Variants in PAPSS1 observed in about 807,000 individuals in gnomAD.
PAPSS1 encodes the protein bifunctional 3'-phosphoadenosine 5'-phosphosulfate synthase 1.
PAPSS1 carries 50 observed loss-of-function variants against 72.0 expected under a neutral mutation model. The observed-to-expected ratio is 0.69, with a 90% CI of 0.55 to 0.88. The LOEUF is 0.88. Among genes scored for constraint, PAPSS1 ranks in the 40% least tolerant of loss-of-function variants. PAPSS1 has a pLI of 0.00. For synonymous variants in PAPSS1, 261 were observed against 263.6 expected, an observed-to-expected ratio of 0.99 and a Z score of 0.09; for missense variants, 657 against 782.2, an observed-to-expected ratio of 0.84 and a Z score of 1.91.
chr4:107,686,986 T>G (rs1297555783), intron 4 of PAPSS1, 53 bp downstream of exon 4: 2 of 1,502,526 alleles, frequency 1.3e-6, no homozygotes, highest in African/African-American at 1.4e-5. Flanking sequence ...ATCCTAGATA[T>G]GGGAACATAA....
At chr4:107,671,645 T>C (rs1175358390) in intron 5 of PAPSS1, among the ~76,000 whole-genome samples, 1 of 152,150 alleles carries the variant, frequency 6.6e-6, no homozygotes, top group African/African-American at 2.4e-5. Context: ...CCTCAGTATC[T>C]GAGAGGAATT....
chr4:107,687,603 A>C (rs967261514), intron 3 of PAPSS1, among the ~76,000 whole-genome samples: 4 of 152,054 alleles, frequency 2.6e-5, no homozygotes, highest in African/African-American at 9.7e-5. Flanking sequence ...TTCTTTGCCA[A>C]ATGCAAGCCC....
chr4:107,672,010 T>C (rs1727485783), intron 5 of PAPSS1, among the ~76,000 whole-genome samples: 1 of 151,946 alleles, frequency 6.6e-6, no homozygotes, highest in South Asian at 2.1e-4. Context: ...TACAAAAAAC[T>C]CAAACAAAAC....
At chr4:107,628,416 T>G (rs1263214099) in intron 11 of PAPSS1, among the ~76,000 whole-genome samples, 1 of 152,172 alleles carries the variant, frequency 6.6e-6, no homozygotes, top group Non-Finnish European at 1.5e-5. Context: ...CTGTCCCCAC[T>G]ATTACAAAAT....
chr4:107,717,894 C>T (rs1406901178), intron 1 of PAPSS1, among the ~76,000 whole-genome samples: 1 of 152,200 alleles, frequency 6.6e-6, no homozygotes, highest in African/African-American at 2.4e-5. Context: ...GCAGCTACTC[C>T]TCTAGTCCCA....
In PAPSS1 at chr4:107,640,415, T is replaced by C. The variant is rs1374665993; in HGVS notation, c.1506+4387A>G. Among the ~76,000 whole-genome samples, 6 of 152,264 alleles carry C rather than the reference T, an allele frequency of 3.9e-5. No homozygotes were observed. The East Asian group carries it at 1.2e-3, about 29-fold the overall frequency. On this transcript the variant is annotated intron_variant, in intron 10 of 11. Coordinates refer to ENST00000265174, the MANE Select transcript of PAPSS1 (RefSeq NM_005443.5). ...AAAGCATTTGTGCTAAGGAAACAAA[T>C]CTGGTACCAATGCCTTCTAAATGAC...
intron 5 of PAPSS1, among the ~76,000 whole-genome samples, chr4:107,662,135 G>A (rs989376166): frequency 2.0e-5 from 3 of 152,154 alleles, no homozygotes; most frequent in African/African-American, 7.2e-5. Flanking sequence ...AGACAGACAA[G>A]AAATAAACAC....
chr4:107,660,885 T>C (rs1230129203), intron 5 of PAPSS1, among the ~76,000 whole-genome samples: 3 of 152,216 alleles, frequency 2.0e-5, no homozygotes, highest in Non-Finnish European at 2.9e-5. Context: ...ACTTTGTTAT[T>C]CAAAATAAAG....
At chr4:107,701,970 C>G in intron 1 of PAPSS1, among the ~76,000 whole-genome samples, 1 of 86,162 alleles carries the variant, frequency 1.2e-5, no homozygotes, top group Admixed American at 1.5e-4. Context: ...TCTCCCAAAG[C>G]TGCTTCAAAA....
At chr4:107,620,806 T>C (rs1196280937) in intron 11 of PAPSS1, among the ~76,000 whole-genome samples, 3 of 152,220 alleles carry the variant, frequency 2.0e-5, no homozygotes, top group Non-Finnish European at 4.4e-5. Context: ...TTGATAGTTT[T>C]ATAAAATGTA....
At chr4:107,712,534 T>A (rs1723519487) in intron 1 of PAPSS1, among the ~76,000 whole-genome samples, 1 of 152,158 alleles carries the variant, frequency 6.6e-6, no homozygotes, top group African/African-American at 2.4e-5. Context: ...CATTTATTCA[T>A]GATAGCCAAA....
At chr4:107,701,098 T>C (rs1723192673) in intron 2 of PAPSS1, 73 bp downstream of exon 2, 5 of 812,986 alleles carry the variant, frequency 6.2e-6, no homozygotes, top group Admixed American at 4.7e-5. Context: ...AATTTAAATA[T>C]GCTTACGCCT....
intron 11 of PAPSS1, among the ~76,000 whole-genome samples, chr4:107,627,165 C>CA (rs1233685294): frequency 6.6e-6 from 1 of 152,060 alleles, no homozygotes; most frequent in Non-Finnish European, 1.5e-5. Context: ...ACTGATCATG[C>CA]AAAGAGACCA....
intron 5 of PAPSS1, among the ~76,000 whole-genome samples, chr4:107,664,773 T>C (rs1727270610): frequency 6.6e-6 from 1 of 152,188 alleles, no homozygotes. Context: ...TACTGAAATA[T>C]TTTGTGCACT....
At chr4:107,667,080 G>A (rs778916281) in intron 5 of PAPSS1, among the ~76,000 whole-genome samples, 4 of 152,108 alleles carry the variant, frequency 2.6e-5, no homozygotes, top group Non-Finnish European at 5.9e-5. Context: ...CTACTCCCCT[G>A]ACCTCTGGGG....
At chr4:107,631,244 G>A (rs1473394733) in intron 11 of PAPSS1, among the ~76,000 whole-genome samples, 1 of 152,096 alleles carries the variant, frequency 6.6e-6, no homozygotes, top group Non-Finnish European at 1.5e-5. Flanking sequence ...TAAATAATTA[G>A]GACATTGCCT....
intron 2 of PAPSS1, among the ~76,000 whole-genome samples, chr4:107,698,776 C>T (rs1367820181): frequency 6.6e-6 from 1 of 152,166 alleles, no homozygotes; most frequent in African/African-American, 2.4e-5. Flanking sequence ...CCTCCAGGAG[C>T]TCAATCAGGT....
rs1402561120 is a variant in PAPSS1, at chr4:107,701,276, T to C, written c.70A>G (p.Arg24Gly). ...GCTTGGTAGGTGACATTGGTTGCTC[T>C]CTGCATTCCCTAGAAAAAAAAGAAA... ...SNNAQNWGMQ[R>G]ATNVTYQAHH... Residue 24 changes from arginine to glycine, a missense_variant, in exon 2 of 12, where the codon AGA becomes GGA. Arg to Gly is a moderately radical substitution (Grantham distance 125). Coordinates refer to ENST00000265174, the MANE Select transcript of PAPSS1 (RefSeq NM_005443.5). The C allele has an allele frequency of 6.2e-7, 1 of 1,609,216 alleles. No individual in the cohort carries two copies. The highest frequency in any genetic ancestry group is 2.2e-5 in the East Asian group (1 of 44,848).
chr4:107,641,695 C>T (rs1726548519), intron 10 of PAPSS1, among the ~76,000 whole-genome samples: 1 of 152,134 alleles, frequency 6.6e-6, no homozygotes, highest in Non-Finnish European at 1.5e-5. Flanking sequence ...TTTATATTAG[C>T]TTTATATTAT....
Sources: allele counts gnomAD v4.1 joint callset (sites outside exome capture counted in the v4.1 genomes callset), GRCh38; gene constraint gnomAD v4.1.1; transcripts MANE v1.5; gene names NCBI Gene and HGNC (gene_info 2026-07-23, HGNC 2026-07-21).